VDAC3: variants seen among roughly 807,000 people sequenced by gnomAD.
VDAC3 encodes the protein voltage dependent anion channel 3, also known as non-selective voltage-gated ion channel VDAC3.
VDAC3 carries 7 observed loss-of-function variants against 33.9 expected under a neutral mutation model. The observed-to-expected ratio is 0.21, with a 90% CI of 0.12 to 0.39. The LOEUF is 0.39. Among genes scored for constraint, VDAC3 ranks in the 10% least tolerant of loss-of-function variants. The probability of loss-of-function intolerance (pLI) is 1.00; values close to 1 mark genes in which losing one functional copy is unlikely to be tolerated. For synonymous variants in VDAC3, 100 were observed against 122.4 expected, an observed-to-expected ratio of 0.82 and a Z score of 1.21; for missense variants, 261 against 334.5, an observed-to-expected ratio of 0.78 and a Z score of 1.71.
chr8:42,401,016 T>A (rs1376480038), intron 6 of VDAC3, among the ~76,000 whole-genome samples: 2 of 152,124 alleles, frequency 1.3e-5, no homozygotes, highest in Non-Finnish European at 2.9e-5. Context: ...AAGAACTAAT[T>A]TCATTTTTTC....
In VDAC3 at chr8:42,401,922, A is replaced by G; in HGVS notation, c.458A>G (p.Tyr153Cys). 6.2e-7 allele frequency: 1 copy of G among 1,614,254 alleles called. No homozygotes were observed. The highest frequency in any genetic ancestry group is 8.5e-7 in the Non-Finnish European group (1 of 1,180,048). Residue 153 changes from tyrosine (Y) to cysteine (C), a missense_variant, in exon 7 of 10, where the codon TAT becomes TGT. Physicochemically the swap from Tyr to Cys is radical, Grantham distance 194. Transcript: ENST00000022615. ...VLAFEGWLAGYQMSFDTAKSK... is the reference protein window; with the variant it reads ...VLAFEGWLAGCQMSFDTAKSK... Reference sequence around the variant, plus strand: ...GCCTTCGAAGGGTGGCTTGCTGGCTATCAGATGAGTTTTGACACAGCCAAA... The same window carrying G: ...GCCTTCGAAGGGTGGCTTGCTGGCTGTCAGATGAGTTTTGACACAGCCAAA...
rs934271381 is a variant in VDAC3 at position 42,397,963 on chromosome 8, A to G, written c.118-749A>G. 8.5e-5 allele frequency among the ~76,000 whole-genome samples: 9 copies of G among 106,498 alleles called. No homozygotes were observed. The African/African-American group carries it at 8.9e-4, about 11-fold the overall frequency. 69.9% of individuals were successfully genotyped at this position (106,498 alleles called of 152,430 possible). A position where few individuals can be genotyped will look rare whatever the true frequency, so the allele number is the denominator to read the frequency against. The stretch of plus-strand genomic sequence containing the variant: ...TGTATTTACCACAATAAAAAAAAAC[A>G]TTTTTAAAAGGAAGTAGTAAAGTGT... On this transcript the variant is annotated intron_variant, in intron 4 of 9. Coordinates refer to ENST00000022615, the MANE Select transcript of VDAC3 (RefSeq NM_005662.7).
intron 4 of VDAC3, among the ~76,000 whole-genome samples, chr8:42,398,186 G>T (rs555373980): frequency 1.3e-5 from 2 of 152,292 alleles, no homozygotes; most frequent in South Asian, 4.1e-4. Context: ...TTAAAGGAGA[G>T]AATTTAGGAT....
intron 4 of VDAC3, among the ~76,000 whole-genome samples, chr8:42,395,727 A>C (rs1444275839): frequency 6.6e-6 from 1 of 152,090 alleles, no homozygotes; most frequent in Non-Finnish European, 1.5e-5. Context: ...TGGGAGGCCG[A>C]GGTGGGCGGG....
intron 7 of VDAC3, chr8:42,402,250 C>T (rs1802428528): frequency 1.8e-6 from 1 of 566,670 alleles, no homozygotes. Context: ...GAAGCTCCAG[C>T]CTCTGTAGAA....
At chr8:42,395,311 G>T (rs892932819) in intron 4 of VDAC3, among the ~76,000 whole-genome samples, 178 bp downstream of exon 4, 3 of 152,154 alleles carry the variant, frequency 2.0e-5, no homozygotes, top group African/African-American at 7.2e-5. Context: ...TTGAATTTTT[G>T]AAGAGACCTT....
In VDAC3 at chr8:42,403,217, A is replaced by T; in HGVS notation, c.552-94A>T. 2.8e-6 allele frequency: 4 copies of T among 1,451,406 alleles called. No homozygotes were observed. In the Admixed American group the frequency reaches 6.4e-5, roughly 23 times the overall value. 89.9% of individuals were successfully genotyped at this position (1,451,406 alleles called of 1,614,324 possible). A position where few individuals can be genotyped will look rare whatever the true frequency, so the allele number is the denominator to read the frequency against. ...CTGAAATCTATAGTTACAAAATGGG[A>T]TCCTTGTTTAGATAGTCTTAGAATT... On this transcript the variant is annotated intron_variant, in intron 7 of 9. Coordinates refer to ENST00000022615, the MANE Select transcript of VDAC3 (RefSeq NM_005662.7).
rs1802368546 is a variant in VDAC3, at chr8:42,398,973, C to T, written c.270+109C>T. 4.6e-6 allele frequency: 6 copies of T among 1,296,458 alleles called. No individual in the cohort carries two copies. The Admixed American group carries it at 1.3e-4, about 28-fold the overall frequency. The allele number at this position is 1,296,458 out of a possible 1,614,324, so 80.3% of individuals were successfully genotyped here. On this transcript the variant is annotated intron_variant, in intron 5 of 9. Coordinates refer to ENST00000022615, the MANE Select transcript of VDAC3 (RefSeq NM_005662.7). ...GAGATCTTACAACCTATCTAGTAGC[C>T]ATATTTTTTCTCTGCATGTGGCCTT...
At position 42,401,875 on chromosome 8, in the gene VDAC3, C is replaced by A. The variant is rs910810991; in HGVS notation, c.411C>A (p.Thr137=). ...TTGATATAGATTTTTCTGGACCAAC[C>A]ATCTATGGCTGGGCTGTGTTGGCCT... ...SNVDIDFSGP[T]IYGWAVLAFE... Residue 137 remains threonine (T), a synonymous_variant, in exon 7 of 10, where the codon ACC becomes ACA. Transcript: ENST00000022615. 1.9e-6 allele frequency: 3 copies of A among 1,614,046 alleles called. No homozygotes were observed.
At position 42,401,892 on chromosome 8, in the gene VDAC3, T is replaced by C. The variant is rs745635792; in HGVS notation, c.428T>C (p.Val143Ala). 2 of 1,614,258 alleles carry C rather than the reference T, an allele frequency of 1.2e-6. No individual in the cohort carries two copies. Among genetic ancestry groups the C allele is most frequent in the South Asian group, 1.1e-5 (1 of 91,090 alleles). Residue 143 changes from valine to alanine, a missense_variant, in exon 7 of 10, where the codon GTG becomes GCG. By Grantham distance (64) the Val-to-Ala change is moderately conservative. Coordinates refer to ENST00000022615, the MANE Select transcript of VDAC3 (RefSeq NM_005662.7). ...GGACCAACCATCTATGGCTGGGCTG[T>C]GTTGGCCTTCGAAGGGTGGCTTGCT... ...FSGPTIYGWA[V>A]LAFEGWLAGY... is the part of the protein sequence containing the mutation.
At chr8:42,396,556 A>G (rs1010912379) in intron 4 of VDAC3, 11 of 646,916 alleles carry the variant, frequency 1.7e-5, no homozygotes, top group Middle Eastern at 2.7e-4. Flanking sequence ...CTGTTAAAAT[A>G]GAAGAATCAT....
At chr8:42,395,000 GCTATTTCATAATTT>G in intron 3 of VDAC3, 70 bp from the exon 4 acceptor site, 1 of 1,521,658 alleles carries the variant, frequency 6.6e-7, no homozygotes, top group Non-Finnish European at 9.1e-7. Flanking sequence ...GGTACTATAG[GCTATTTCATAATTT>G]CTGAGTTGCA....
Position 42,399,120 on chromosome 8 carries a change from C to G in VDAC3, c.270+256C>G, listed in dbSNP as rs564050063. On this transcript the variant is annotated intron_variant, in intron 5 of 9. Coordinates refer to ENST00000022615, the MANE Select transcript of VDAC3 (RefSeq NM_005662.7). ...CTAAGCTTCTCCTGGGTAGAACAAA[C>G]TATTTGCGGAAATTTGGTTTAGTTT... is the stretch of plus-strand genomic sequence containing the variant. Among the ~76,000 whole-genome samples the G allele has an allele frequency of 4.6e-5, 7 of 152,132 alleles. No homozygotes were observed. In the East Asian group the frequency reaches 9.6e-4, roughly 21 times the overall value.
chr8:42,396,872 T>C, intron 4 of VDAC3: 1 of 550,766 alleles, frequency 1.8e-6, no homozygotes, highest in Non-Finnish European at 3.2e-6. Flanking sequence ...TGTAGAGCTA[T>C]ATGCATGTTA....
chr8:42,404,915 C>T lies in VDAC3; in HGVS notation c.751C>T (p.Leu251Phe). The change falls in exon 9 of 10, where the codon CTT becomes TTT. Residue 251 changes from leucine (L) to phenylalanine (F), a missense_variant. Physicochemically the swap from Leu to Phe is conservative, Grantham distance 22. Coordinates refer to ENST00000022615, the MANE Select transcript of VDAC3 (RefSeq NM_005662.7). ...SLIGLGYTQT[L>F]RPGVKLTLSA... ...GATTGGACTGGGTTATACTCAGACC[C>T]TTCGACCAGGTAAGTAAAGGAATTA... is the stretch of plus-strand genomic sequence containing the variant. The T allele has an allele frequency of 6.2e-7, 1 of 1,613,506 alleles. No homozygotes were observed. The highest frequency in any genetic ancestry group is 1.1e-5 in the South Asian group (1 of 91,012).
At position 42,404,817 on chromosome 8, in the gene VDAC3, C is replaced by G. The variant is rs891429521; in HGVS notation, c.703-50C>G. ...TGCACAAAGTGATGGTTATATTGGA[C>G]TGATCTGTAATTCACTGTTTTCTGT... is the stretch of plus-strand genomic sequence containing the variant. On this transcript the variant is annotated intron_variant, in intron 8 of 9. Coordinates refer to ENST00000022615, the MANE Select transcript of VDAC3 (RefSeq NM_005662.7). 8 of 1,508,958 alleles carry G rather than the reference C, an allele frequency of 5.3e-6. No individual in the cohort carries two copies. The African/African-American group carries it at 1.1e-4, about 21-fold the overall frequency. The allele number at this position is 1,508,958 out of a possible 1,614,324, so 93.5% of individuals were successfully genotyped here.
intron 4 of VDAC3, 106 bp downstream of exon 4, chr8:42,395,239 C>T: frequency 6.6e-7 from 1 of 1,507,348 alleles, no homozygotes; most frequent in African/African-American, 1.4e-5. Flanking sequence ...GCTGTCTTCC[C>T]CACAGCTTTG....
intron 4 of VDAC3, chr8:42,396,741 G>A (rs1802323978): frequency 1.5e-6 from 1 of 665,962 alleles, no homozygotes; most frequent in African/African-American, 1.8e-5. Context: ...TTCTGGTATT[G>A]ATTTAGGATA....
At chr8:42,402,338 T>C (rs1802429995) in intron 7 of VDAC3, among the ~76,000 whole-genome samples, 1 of 152,218 alleles carries the variant, frequency 6.6e-6, no homozygotes, top group Non-Finnish European at 1.5e-5. Flanking sequence ...TACTGCTTCC[T>C]CTGCTGCCCT....
Sources: allele counts gnomAD v4.1 joint callset (sites outside exome capture counted in the v4.1 genomes callset), GRCh38; gene constraint gnomAD v4.1.1; transcripts MANE v1.5; gene names NCBI Gene and HGNC (gene_info 2026-07-23, HGNC 2026-07-21).